EFCAB6: variants seen among roughly 807,000 people sequenced by gnomAD.
EFCAB6 encodes the protein EF-hand calcium binding domain 6.
In EFCAB6, 156 loss-of-function variants were observed where a neutral mutation model predicts 169.8. The ratio of observed to expected loss-of-function variants is 0.92; its 90% CI spans 0.81 to 1.05. The LOEUF is 1.05. EFCAB6 is among the 50% of genes least tolerant of loss of function. The pLI, the probability that EFCAB6 is intolerant of heterozygous loss-of-function variation, is 0.00. For synonymous variants in EFCAB6, 698 were observed against 676.4 expected (o/e 1.03, Z -0.50); for missense variants, 1,800 against 1,829.1 (o/e 0.98, Z 0.29).
chr22:43,715,617 G>A (rs998405898), intron 9 of EFCAB6, among the ~76,000 whole-genome samples: 4 of 151,914 alleles, frequency 2.6e-5, no homozygotes, highest in Non-Finnish European at 5.9e-5. Flanking sequence ...TGATCCAGCC[G>A]TCCTTCTATA....
At chr22:43,660,837 T>A (rs1405123971) in intron 17 of EFCAB6, among the ~76,000 whole-genome samples, 2 of 152,200 alleles carry the variant, frequency 1.3e-5, no homozygotes, top group African/African-American at 4.8e-5. Context: ...GGGTGTCTGA[T>A]GACATGCTGC....
At chr22:43,576,795 C>G (rs2050285376) in intron 25 of EFCAB6, among the ~76,000 whole-genome samples, 1 of 152,184 alleles carries the variant, frequency 6.6e-6, no homozygotes, top group Non-Finnish European at 1.5e-5. Flanking sequence ...TGATGGAAGC[C>G]TCGCCCCTGC....
At chr22:43,593,038 G>C (rs1014169915) in intron 23 of EFCAB6, among the ~76,000 whole-genome samples, 2 of 151,114 alleles carry the variant, frequency 1.3e-5, no homozygotes, top group African/African-American at 2.4e-5. Flanking sequence ...CTGTCAATCT[G>C]ATCAGAGTGT....
At chr22:43,678,314 TACATA>T (rs1473313110) in intron 12 of EFCAB6, 151 bp from the exon 13 acceptor site, 14 of 650,628 alleles carry the variant, frequency 2.2e-5, no homozygotes, top group South Asian at 3.9e-5. Flanking sequence ...TGATGATCCT[TACATA>T]ACATGAGCAC....
At chr22:43,571,425 A>G (rs2049866467) in intron 26 of EFCAB6, among the ~76,000 whole-genome samples, 1 of 152,182 alleles carries the variant, frequency 6.6e-6, no homozygotes, top group Non-Finnish European at 1.5e-5. Flanking sequence ...CCCAGAGGGA[A>G]AGGATGGGTG....
chr22:43,760,486 G>C (rs986560425), intron 5 of EFCAB6, among the ~76,000 whole-genome samples: 1 of 152,028 alleles, frequency 6.6e-6, no homozygotes, highest in African/African-American at 2.4e-5. Context: ...TTATTTATCT[G>C]GCTTGAGATT....
chr22:43,588,614 G>A (rs1394546718), intron 24 of EFCAB6, among the ~76,000 whole-genome samples: 1 of 152,126 alleles, frequency 6.6e-6, no homozygotes, highest in Non-Finnish European at 1.5e-5. Flanking sequence ...AACAACAGGA[G>A]TTTCAGAAAA....
chr22:43,607,138 G>C (rs916936777), intron 22 of EFCAB6, among the ~76,000 whole-genome samples: 2 of 152,212 alleles, frequency 1.3e-5, no homozygotes, highest in African/African-American at 4.8e-5. Context: ...GACCTGGTAA[G>C]GGAGCAGCCC....
Position 43,687,493 on chromosome 22 carries a change from C to A in EFCAB6, c.1120G>T (p.Gly374Cys), listed in dbSNP as rs748022927. Residue 374 changes from glycine to cysteine, a missense_variant, in exon 11 of 32, where the codon GGT (glycine) becomes TGT (cysteine). Coordinates refer to ENST00000262726, the MANE Select transcript of EFCAB6 (RefSeq NM_022785.4). ...TACCTATTTCTTTTTGTCAGGGGAC[C>A]TTTACTGCTAACTTGCAACCCCTGA... The part of the protein sequence containing the change: ...EPQGLQVSSK[G>C]PLTKRNSINS... 5.8e-6 allele frequency: 9 copies of A among 1,551,820 alleles called. No individual in the cohort carries two copies. The highest frequency in any genetic ancestry group is 7.0e-6 in the Non-Finnish European group (8 of 1,150,528).
In EFCAB6 at chr22:43,559,117, C is replaced by T. The variant is rs185025996; in HGVS notation, c.3421-4021G>A. On this transcript the variant is annotated intron_variant, in intron 26 of 31. Transcript: ENST00000262726. ...AAGAAAATTTTTGCAATCTACCCAT[C>T]GGACAAAGGCCTAATATCCAGAATC... Among the ~76,000 whole-genome samples, 8 of 152,220 alleles carry T rather than the reference C, an allele frequency of 5.3e-5. No homozygotes were observed. In the Middle Eastern group the frequency reaches 0.01, roughly 194 times the overall value.
chr22:43,561,371 A>G (rs1453853202), intron 26 of EFCAB6, among the ~76,000 whole-genome samples: 1 of 149,836 alleles, frequency 6.7e-6, no homozygotes, highest in Non-Finnish European at 1.5e-5. Flanking sequence ...AAAAAAAAAG[A>G]AAGAAAGAAA....
chr22:43,689,526 A>G (rs1211155327), intron 10 of EFCAB6, among the ~76,000 whole-genome samples: 1 of 152,174 alleles, frequency 6.6e-6, no homozygotes, highest in African/African-American at 2.4e-5. Flanking sequence ...TGCCTTCATC[A>G]AATGTGAAAT....
In EFCAB6 at chr22:43,554,892, C is replaced by T. The variant is rs533490129; in HGVS notation, c.3625G>A (p.Val1209Ile). Residue 1209 changes from valine (V) to isoleucine (I), a missense_variant, in exon 27 of 32, where the codon GTC (valine) becomes ATC (isoleucine). Coordinates refer to ENST00000262726, the MANE Select transcript of EFCAB6 (RefSeq NM_022785.4). ...EEFRAICNRR[V>I]QILTDEQFDR... ...ACCTGTTCGTCCGTCAGGATTTGGA[C>T]GCGGCGATTACAAATGGCCCTAAAC... 85 of 1,614,038 alleles carry T rather than the reference C, an allele frequency of 5.3e-5. No homozygotes were observed. Among genetic ancestry groups the T allele is most frequent in the Non-Finnish European group, 6.5e-5 (77 of 1,180,030 alleles).
intron 17 of EFCAB6, among the ~76,000 whole-genome samples, chr22:43,652,606 TAA>T (rs2056527431): frequency 6.6e-5 from 10 of 152,278 alleles, no homozygotes; most frequent in African/African-American, 2.4e-4. Flanking sequence ...CTTACTGGAC[TAA>T]GGTTATGAGT....
chr22:43,598,641 A>C (rs1183927269), intron 23 of EFCAB6, among the ~76,000 whole-genome samples: 1 of 152,212 alleles, frequency 6.6e-6, no homozygotes, highest in Non-Finnish European at 1.5e-5. Context: ...TATCTAAAAG[A>C]GTATAATTGG....
intron 17 of EFCAB6, among the ~76,000 whole-genome samples, chr22:43,658,283 A>G (rs78356874): frequency 3.2e-4 from 49 of 152,318 alleles, no homozygotes; most frequent in African/African-American, 1.1e-3. Context: ...TCAGAGAGCA[A>G]TGAGGACTAA....
chr22:43,721,324 C>G (rs549617438), intron 8 of EFCAB6, among the ~76,000 whole-genome samples: 1 of 152,112 alleles, frequency 6.6e-6, no homozygotes, highest in African/African-American at 2.4e-5. Context: ...ACAGATTCCA[C>G]GCAGTTCCAA....
At chr22:43,707,342 G>A (rs1164244024) in intron 10 of EFCAB6, among the ~76,000 whole-genome samples, 1 of 152,180 alleles carries the variant, frequency 6.6e-6, no homozygotes, top group Non-Finnish European at 1.5e-5. Flanking sequence ...CAGAAGAAAA[G>A]ACCAGTGAGA....
At chr22:43,630,421 G>A (rs1484216184) in intron 19 of EFCAB6, among the ~76,000 whole-genome samples, 3 of 152,210 alleles carry the variant, frequency 2.0e-5, no homozygotes, top group Admixed American at 1.3e-4. Flanking sequence ...CAGGATATAC[G>A]TTGGCTGTAG....
Sources: gnomAD v4.1 joint callset for allele counts (sites outside exome capture counted in the v4.1 genomes callset) on GRCh38, gnomAD v4.1.1 for gene constraint, MANE v1.5 for transcripts, NCBI Gene and HGNC (gene_info 2026-07-23, HGNC 2026-07-21) for gene names.